Variants in GPC6 observed in about 807,000 individuals in gnomAD.
The protein encoded by GPC6 is glypican 6, also known as glypican-6.
Under a neutral mutation model 55.2 loss-of-function variants are expected in GPC6, and 14 were observed. That is an observed-to-expected ratio of 0.25 (90% CI 0.17 to 0.40). GPC6 has a LOEUF of 0.40. GPC6 is among the 10% of genes least tolerant of loss of function. GPC6 has a pLI of 1.00. For synonymous variants in GPC6, 278 were observed against 259.6 expected, an observed-to-expected ratio of 1.07 and a Z score of -0.68; for missense variants, 641 against 708.5, an observed-to-expected ratio of 0.90 and a Z score of 1.08.
chr13:93,323,880 G>C (rs1370319598), intron 1 of GPC6, among the ~76,000 whole-genome samples: 2 of 152,082 alleles, frequency 1.3e-5, no homozygotes, highest in African/African-American at 4.8e-5. Flanking sequence ...AGAACAGTTG[G>C]GTGATTCCGC....
chr13:93,402,893 T>C (rs1207542878), intron 1 of GPC6, among the ~76,000 whole-genome samples: 1 of 152,154 alleles, frequency 6.6e-6, no homozygotes, highest in African/African-American at 2.4e-5. Context: ...GATAAGACTA[T>C]GGAAATTGTC....
intron 2 of GPC6, among the ~76,000 whole-genome samples, chr13:93,582,564 A>G (rs1876988077): frequency 6.6e-6 from 1 of 152,232 alleles, no homozygotes; most frequent in South Asian, 2.1e-4. Flanking sequence ...GAGGGACATA[A>G]TCTCAGATGA....
intron 4 of GPC6, among the ~76,000 whole-genome samples, chr13:94,142,181 T>G (rs1887403208): frequency 6.6e-6 from 1 of 152,352 alleles, no homozygotes; most frequent in Non-Finnish European, 1.5e-5. Flanking sequence ...AATACACACC[T>G]ATATACACGT....
intron 1 of GPC6, chr13:93,450,729 C>T (rs900583495): frequency 1.5e-5 from 15 of 972,462 alleles, no homozygotes; most frequent in East Asian, 1.1e-4. Context: ...GGCTGTATTT[C>T]ATAAAATACA....
intron 6 of GPC6, among the ~76,000 whole-genome samples, chr13:94,364,907 C>T (rs9589974): frequency 1.3e-5 from 2 of 152,074 alleles, no homozygotes; most frequent in Non-Finnish European, 2.9e-5. Flanking sequence ...AAGGGCATGT[C>T]GAATTTACAT....
At chr13:94,349,423 T>C (rs571034794) in intron 6 of GPC6, among the ~76,000 whole-genome samples, 22 of 152,162 alleles carry the variant, frequency 1.4e-4, no homozygotes, top group Non-Finnish European at 2.6e-4. Flanking sequence ...CCTGAAGTTA[T>C]CATTCTCCAG....
At chr13:93,561,650 C>G (rs539758308) in intron 2 of GPC6, among the ~76,000 whole-genome samples, 1 of 152,040 alleles carries the variant, frequency 6.6e-6, no homozygotes, top group East Asian at 1.9e-4. Context: ...CTAAGTCATG[C>G]TGGGTGCTCA....
At chr13:93,251,940 A>G (rs933610055) in intron 1 of GPC6, among the ~76,000 whole-genome samples, 3 of 152,174 alleles carry the variant, frequency 2.0e-5, no homozygotes, top group African/African-American at 4.8e-5. Flanking sequence ...GCACTGAAAC[A>G]TCTCTCTCAT....
At chr13:93,382,105 G>T (rs1875200680) in intron 1 of GPC6, among the ~76,000 whole-genome samples, 1 of 152,038 alleles carries the variant, frequency 6.6e-6, no homozygotes, top group African/African-American at 2.4e-5. Context: ...TCCAAAGTTT[G>T]TACGAGATCA....
At chr13:94,186,259 G>C (rs1345211882) in intron 4 of GPC6, among the ~76,000 whole-genome samples, 1 of 152,008 alleles carries the variant, frequency 6.6e-6, no homozygotes, top group Non-Finnish European at 1.5e-5. Context: ...TTACCAGTTG[G>C]ATTTCGGCAT....
At chr13:93,252,544 C>T (rs1212648408) in intron 1 of GPC6, among the ~76,000 whole-genome samples, 2 of 152,180 alleles carry the variant, frequency 1.3e-5, no homozygotes, top group Non-Finnish European at 2.9e-5. Context: ...TTCATTTGCC[C>T]TAAGCCTCTT....
chr13:94,295,772 C>A (rs150221275), intron 5 of GPC6, among the ~76,000 whole-genome samples: 22 of 152,128 alleles, frequency 1.4e-4, no homozygotes, highest in Middle Eastern at 3.4e-3. Context: ...GTCCCTTCTG[C>A]CTGATTTCTA....
At chr13:94,379,180 A>G (rs1880042767) in intron 6 of GPC6, among the ~76,000 whole-genome samples, 1 of 152,248 alleles carries the variant, frequency 6.6e-6, no homozygotes, top group Non-Finnish European at 1.5e-5. Flanking sequence ...GCAAGTTGAA[A>G]GGCCTTCCTG....
At chr13:93,877,895 G>A (rs998533102) in intron 3 of GPC6, among the ~76,000 whole-genome samples, 2 of 152,022 alleles carry the variant, frequency 1.3e-5, no homozygotes, top group African/African-American at 4.8e-5. Context: ...ATGACTATGG[G>A]AGACTTGAGG....
intron 1 of GPC6, among the ~76,000 whole-genome samples, chr13:93,237,165 G>A (rs76594223): frequency 0.03 from 4,618 of 152,192 alleles, 224 homozygotes; most frequent in African/African-American, 0.11. Flanking sequence ...CGTAGAAGTT[G>A]CACTAATTTA....
intron 1 of GPC6, among the ~76,000 whole-genome samples, chr13:93,472,539 T>G (rs1208526171): frequency 6.6e-6 from 1 of 152,202 alleles, no homozygotes; most frequent in Non-Finnish European, 1.5e-5. Context: ...TGCAAACAGC[T>G]TCCCTGCCTG....
At chr13:93,978,611 T>C (rs751316223) in intron 3 of GPC6, among the ~76,000 whole-genome samples, 4 of 152,108 alleles carry the variant, frequency 2.6e-5, no homozygotes, top group African/African-American at 4.8e-5. Flanking sequence ...ATTGTGTTTC[T>C]TCTTCTTAGT....
At chr13:93,479,922 GGAAACAAATAAAT>G (rs1879451605) in intron 1 of GPC6, among the ~76,000 whole-genome samples, 1 of 152,070 alleles carries the variant, frequency 6.6e-6, no homozygotes, top group African/African-American at 2.4e-5. Flanking sequence ...AATTCATTCT[GGAAACAAATAAAT>G]GAGACATGCA....
chr13:94,321,007 C>T (rs952703190), intron 6 of GPC6, among the ~76,000 whole-genome samples: 5 of 152,110 alleles, frequency 3.3e-5, no homozygotes, highest in South Asian at 2.1e-4. Flanking sequence ...CAGATTATTT[C>T]GCCAACCAGA....
Sources: allele counts gnomAD v4.1 joint callset (sites outside exome capture counted in the v4.1 genomes callset), GRCh38; gene constraint gnomAD v4.1.1; transcripts MANE v1.5; gene names NCBI Gene and HGNC (gene_info 2026-07-23, HGNC 2026-07-21).